Variants in ITPR1 observed in about 807,000 individuals in gnomAD.
ITPR1 encodes inositol 1,4,5-trisphosphate-gated calcium channel ITPR1.
Under a neutral mutation model 318.4 loss-of-function variants are expected in ITPR1, and 96 were observed. The ratio of observed to expected loss-of-function variants is 0.30; its 90% CI spans 0.26 to 0.36. The LOEUF is 0.36. Ranked by LOEUF, ITPR1 falls within the 10% of genes least tolerant of loss-of-function variation. The pLI, the probability that ITPR1 is intolerant of heterozygous loss-of-function variation, is 1.00. For synonymous variants in ITPR1, 1,312 were observed against 1,289.9 expected (o/e 1.02, Z -0.37); for missense variants, 2,440 against 3,460.2 (o/e 0.71, Z 7.40).
At chr3:4,716,177 G>C (rs2041749505) in intron 39 of ITPR1, among the ~76,000 whole-genome samples, 1 of 152,104 alleles carries the variant, frequency 6.6e-6, no homozygotes, top group African/African-American at 2.4e-5. Flanking sequence ...ACTAATCTCT[G>C]CTTTTAATCT....
At chr3:4,677,345 G>C (rs1166112492) in intron 24 of ITPR1, among the ~76,000 whole-genome samples, 3 of 152,190 alleles carry the variant, frequency 2.0e-5, no homozygotes, top group Non-Finnish European at 2.9e-5. Flanking sequence ...TAAGTGCTAA[G>C]AGACGTTAAA....
At chr3:4,742,450 C>T (rs1355706067) in intron 44 of ITPR1, among the ~76,000 whole-genome samples, 1 of 152,084 alleles carries the variant, frequency 6.6e-6, no homozygotes, top group Non-Finnish European at 1.5e-5. Flanking sequence ...CCTCAGGACT[C>T]CTGGCGAAGT....
chr3:4,504,584 C>CAAGG (rs1470101854), intron 2 of ITPR1, among the ~76,000 whole-genome samples: 4 of 152,236 alleles, frequency 2.6e-5, no homozygotes, highest in South Asian at 2.1e-4. Flanking sequence ...GACAAGAAGG[C>CAAGG]AAGGAGGGGG....
chr3:4,641,103 G>A (rs1035741494), intron 6 of ITPR1, among the ~76,000 whole-genome samples: 1 of 152,204 alleles, frequency 6.6e-6, no homozygotes, highest in African/African-American at 2.4e-5. Context: ...ATCGCAATTA[G>A]CAATGGAGTC....
rs2093648500 is a variant in ITPR1 at position 4,653,853 on chromosome 3, C to T, written c.963C>T (p.Asp321=). ...TTCTTTTTCATCAGGTAGACCCTGACTTTGAGGAAGAATGCCTGGAGTTTC... is the reference window on the plus strand; with the variant it reads ...TTCTTTTTCATCAGGTAGACCCTGATTTTGAGGAAGAATGCCTGGAGTTTC... ...GHYLAAEVDP[D]FEEECLEFQP... The change falls in exon 12 of 62, where the codon GAC becomes GAT. Residue 321 remains aspartate (D), a synonymous_variant. Transcript: ENST00000649015. The T allele has an allele frequency of 6.2e-7, 1 of 1,610,542 alleles. No individual in the cohort carries two copies. Among genetic ancestry groups the T allele is most frequent in the South Asian group, 1.1e-5 (1 of 90,486 alleles).
chr3:4,500,786 C>T (rs139656542), intron 2 of ITPR1, among the ~76,000 whole-genome samples: 10 of 152,212 alleles, frequency 6.6e-5, no homozygotes, highest in East Asian at 5.8e-4. Context: ...GTTCTGTATC[C>T]GTGTTTTTCA....
At chr3:4,560,048 C>T (rs2086520024) in intron 4 of ITPR1, among the ~76,000 whole-genome samples, 1 of 152,158 alleles carries the variant, frequency 6.6e-6, no homozygotes, top group African/African-American at 2.4e-5. Context: ...GTCTCAGTTT[C>T]CTCATCTGTA....
intron 4 of ITPR1, among the ~76,000 whole-genome samples, chr3:4,523,486 G>A (rs304019): frequency 0.97 from 148,180 of 152,000 alleles, 72,351 homozygotes; most frequent in East Asian, 1. Flanking sequence ...AATATACGGT[G>A]TATTGTTATT....
intron 60 of ITPR1, among the ~76,000 whole-genome samples, chr3:4,830,576 G>C (rs2050408986): frequency 6.6e-6 from 1 of 152,082 alleles, no homozygotes; most frequent in Admixed American, 6.5e-5. Flanking sequence ...TTTTCTGAGG[G>C]TTTAAATACA....
intron 4 of ITPR1, among the ~76,000 whole-genome samples, chr3:4,551,561 G>A (rs1017515128): frequency 2.0e-5 from 3 of 152,168 alleles, no homozygotes; most frequent in Non-Finnish European, 2.9e-5. Flanking sequence ...CAGGGCTGAC[G>A]TTGGTTCTTG....
intron 2 of ITPR1, among the ~76,000 whole-genome samples, chr3:4,508,581 C>G (rs2081566762): frequency 6.7e-6 from 1 of 149,612 alleles, no homozygotes; most frequent in Non-Finnish European, 1.5e-5. Context: ...AGTTTTCTAT[C>G]ACACTAAAAG....
chr3:4,834,925 A>G (rs2050785908), intron 60 of ITPR1, among the ~76,000 whole-genome samples: 1 of 152,228 alleles, frequency 6.6e-6, no homozygotes, highest in African/African-American at 2.4e-5. Context: ...TTTCTCCTCC[A>G]GCAGTCACGA....
chr3:4,599,713 G>A (rs938643632), intron 4 of ITPR1, among the ~76,000 whole-genome samples: 10 of 152,206 alleles, frequency 6.6e-5, no homozygotes, highest in South Asian at 2.1e-4. Context: ...CCCCTACTCC[G>A]ACAGTGGCTG....
rs551624831 is a variant in ITPR1, at chr3:4,700,546, A to G, written c.4536+605A>G. ...GACCTGGAGAGAACACAAATAATGG[A>G]GGATGGGATGTAAAAGAGGCAGAAC... On this transcript the variant is annotated intron_variant, in intron 35 of 61. Transcript: ENST00000649015. Among the ~76,000 whole-genome samples, 73 of 152,296 alleles carry G rather than the reference A, an allele frequency of 4.8e-4. 1 individual carries two copies. The highest frequency in any genetic ancestry group is 1.6e-3 in the African/African-American group (68 of 41,568).
chr3:4,593,295 T>A (rs895735431), intron 4 of ITPR1, among the ~76,000 whole-genome samples: 2 of 152,194 alleles, frequency 1.3e-5, no homozygotes, highest in Non-Finnish European at 2.9e-5. Flanking sequence ...GCCATTTCCC[T>A]TTGCTTAGTA....
chr3:4,586,001 T>C (rs1199116880), intron 4 of ITPR1, among the ~76,000 whole-genome samples: 1 of 149,912 alleles, frequency 6.7e-6, no homozygotes, highest in African/African-American at 2.4e-5. Flanking sequence ...TTCCCACTTA[T>C]GAGTGAGAAC....
In ITPR1 at chr3:4,696,668, C is replaced by T. The variant is rs137862504; in HGVS notation, c.4282-479C>T. On this transcript the variant is annotated intron_variant, in intron 33 of 61. Transcript: ENST00000649015. ...TCCTAATTGAAGTTGAGCCCCTTGC[C>T]GTGTGTTTTTTTTTTTTTTTTTTTG... Among the ~76,000 whole-genome samples, 443 of 125,538 alleles carry T rather than the reference C, an allele frequency of 3.5e-3. 5 individuals are homozygous for T. Among genetic ancestry groups the T allele is most frequent in the African/African-American group, 0.013 (416 of 32,762 alleles). The allele number at this position is 125,538 out of a possible 152,430, so 82.4% of individuals were successfully genotyped here. A position where few individuals can be genotyped will look rare whatever the true frequency, so the allele number is the denominator to read the frequency against.
At chr3:4,662,586 G>C (rs1037553436) in intron 15 of ITPR1, among the ~76,000 whole-genome samples, 4 of 152,128 alleles carry the variant, frequency 2.6e-5, no homozygotes, top group African/African-American at 4.8e-5. Flanking sequence ...AGCCAGGCAT[G>C]ATGGCGGATG....
chr3:4,533,605 G>A (rs2083599604), intron 4 of ITPR1, among the ~76,000 whole-genome samples: 1 of 152,210 alleles, frequency 6.6e-6, no homozygotes, highest in Non-Finnish European at 1.5e-5. Flanking sequence ...CTCAAACATG[G>A]CCTTTGCCAT....
Sources: gnomAD v4.1 joint callset for allele counts (sites outside exome capture counted in the v4.1 genomes callset) on GRCh38, gnomAD v4.1.1 for gene constraint, MANE v1.5 for transcripts, NCBI Gene and HGNC (gene_info 2026-07-23, HGNC 2026-07-21) for gene names.